Variants in SLC35F1 observed in about 807,000 individuals in gnomAD.
SLC35F1 encodes chromosome 6 open reading frame 169.
Under a neutral mutation model 48.7 loss-of-function variants are expected in SLC35F1, and 14 were observed. That is an observed-to-expected ratio of 0.29 (90% CI 0.19 to 0.45). The LOEUF is 0.45. Ranked by LOEUF, SLC35F1 falls within the 20% of genes least tolerant of loss-of-function variation. The probability of loss-of-function intolerance (pLI) is 1.00; values close to 1 mark genes in which losing one functional copy is unlikely to be tolerated. For missense variants in SLC35F1, 404 were observed against 500.0 expected (o/e 0.81, Z 1.83); for synonymous variants, 190 against 202.2 (o/e 0.94, Z 0.51).
intron 2 of SLC35F1, among the ~76,000 whole-genome samples, chr6:118,218,515 A>G (rs1775104304): frequency 6.6e-6 from 1 of 152,222 alleles, no homozygotes; most frequent in Non-Finnish European, 1.5e-5. Flanking sequence ...TTTGAAGAAT[A>G]GCTTGAATTA....
intron 1 of SLC35F1, among the ~76,000 whole-genome samples, chr6:117,934,053 T>A (rs1297046847): frequency 1.3e-5 from 2 of 152,032 alleles, no homozygotes; most frequent in Non-Finnish European, 2.9e-5. Context: ...GGAGGGAAAT[T>A]CATGAACTAC....
chr6:118,176,433 G>A (rs1488942131), intron 2 of SLC35F1, among the ~76,000 whole-genome samples: 7 of 152,074 alleles, frequency 4.6e-5, no homozygotes, highest in Admixed American at 6.6e-5. Flanking sequence ...GGGCTCAAGC[G>A]ATCCTCCTGC....
chr6:118,196,387 AT>A (rs1774801128), intron 2 of SLC35F1, among the ~76,000 whole-genome samples: 1 of 152,052 alleles, frequency 6.6e-6, no homozygotes, highest in South Asian at 2.1e-4. Context: ...CCATTTGTTT[AT>A]TTTTGCTTTT....
At chr6:118,215,728 T>C (rs1216256001) in intron 2 of SLC35F1, among the ~76,000 whole-genome samples, 1 of 152,228 alleles carries the variant, frequency 6.6e-6, no homozygotes, top group Non-Finnish European at 1.5e-5. Flanking sequence ...CAGCTTGTAG[T>C]TGATGACTCT....
intron 1 of SLC35F1, among the ~76,000 whole-genome samples, chr6:118,010,432 A>G (rs1416948379): frequency 2.0e-5 from 3 of 152,206 alleles, no homozygotes; most frequent in African/African-American, 7.2e-5. Flanking sequence ...AGAGCTGACT[A>G]ATACATCCTT....
chr6:118,006,651 AGT>A (rs1777177999), intron 1 of SLC35F1, among the ~76,000 whole-genome samples: 2 of 152,124 alleles, frequency 1.3e-5, no homozygotes, highest in Admixed American at 1.3e-4. Context: ...AAATAAATAA[AGT>A]GTGTGATTCC....
intron 2 of SLC35F1, among the ~76,000 whole-genome samples, chr6:118,214,041 CT>C (rs1775041324): frequency 6.6e-6 from 1 of 152,134 alleles, no homozygotes; most frequent in Non-Finnish European, 1.5e-5. Context: ...AATTACTTTT[CT>C]GTAGTTTTTG....
intron 2 of SLC35F1, among the ~76,000 whole-genome samples, chr6:118,204,685 G>A (rs977620569): frequency 2.0e-5 from 3 of 152,068 alleles, no homozygotes; most frequent in Non-Finnish European, 4.4e-5. Context: ...AACAAACAGA[G>A]AGAATAGTGA....
At chr6:118,181,152 A>G (rs1476810309) in intron 2 of SLC35F1, among the ~76,000 whole-genome samples, 1 of 152,144 alleles carries the variant, frequency 6.6e-6, no homozygotes, top group Non-Finnish European at 1.5e-5. Context: ...GGGAACTTCA[A>G]ATGATGTACT....
chr6:118,105,714 C>T (rs1310098911), intron 1 of SLC35F1, among the ~76,000 whole-genome samples: 2 of 152,196 alleles, frequency 1.3e-5, no homozygotes, highest in African/African-American at 4.8e-5. Flanking sequence ...AACAATTTTT[C>T]ATTTCACACT....
At chr6:117,909,903 A>C (rs1775741903) in intron 1 of SLC35F1, among the ~76,000 whole-genome samples, 2 of 152,206 alleles carry the variant, frequency 1.3e-5, no homozygotes, top group Admixed American at 1.3e-4. Flanking sequence ...ATTTCATCGC[A>C]GGTATACAAC....
At chr6:118,231,484 A>G (rs2114577819) in intron 2 of SLC35F1, among the ~76,000 whole-genome samples, 1 of 152,272 alleles carries the variant, frequency 6.6e-6, no homozygotes, top group African/African-American at 2.4e-5. Context: ...CATTAATGGG[A>G]GTCATGTAGA....
chr6:118,046,151 A>G (rs540745395), intron 1 of SLC35F1, among the ~76,000 whole-genome samples: 2 of 152,328 alleles, frequency 1.3e-5, no homozygotes, highest in South Asian at 4.1e-4. Flanking sequence ...CTGGCTTTGT[A>G]GGCAAAGTCT....
At chr6:118,237,905 A>C (rs553727681) in intron 3 of SLC35F1, among the ~76,000 whole-genome samples, 15 of 152,304 alleles carry the variant, frequency 9.8e-5, no homozygotes, top group Non-Finnish European at 2.1e-4. Context: ...ATACTAATAC[A>C]CTGAAAAAAA....
At chr6:118,223,322 C>G (rs552768828) in intron 2 of SLC35F1, among the ~76,000 whole-genome samples, 1 of 152,270 alleles carries the variant, frequency 6.6e-6, no homozygotes, top group South Asian at 2.1e-4. Flanking sequence ...AATAACAAAG[C>G]TATCATTTAC....
At chr6:118,178,512 C>A (rs2114506387) in intron 2 of SLC35F1, among the ~76,000 whole-genome samples, 1 of 152,154 alleles carries the variant, frequency 6.6e-6, no homozygotes. Context: ...TTTTACCTAT[C>A]ATTTACTTTT....
intron 1 of SLC35F1, among the ~76,000 whole-genome samples, chr6:118,116,335 A>G (rs1416184284): frequency 6.6e-6 from 1 of 152,212 alleles, no homozygotes; most frequent in Non-Finnish European, 1.5e-5. Flanking sequence ...TTGCCTTCAA[A>G]CTGACCATGC....
chr6:118,139,462 A>T (rs1306416730), intron 1 of SLC35F1, among the ~76,000 whole-genome samples: 5 of 152,172 alleles, frequency 3.3e-5, no homozygotes, highest in African/African-American at 1.2e-4. Context: ...TCATCTGGAA[A>T]TGGCTTTTCT....
intron 2 of SLC35F1, among the ~76,000 whole-genome samples, chr6:118,188,899 G>T (rs1774695983): frequency 6.6e-6 from 1 of 151,998 alleles, no homozygotes; most frequent in African/African-American, 2.4e-5. Context: ...TTCATAACCT[G>T]CACTGATTGA....
Sources: allele counts gnomAD v4.1 joint callset (sites outside exome capture counted in the v4.1 genomes callset), GRCh38; gene constraint gnomAD v4.1.1; transcripts MANE v1.5; gene names NCBI Gene and HGNC (gene_info 2026-07-23, HGNC 2026-07-21).